Variants in COG8 observed in about 807,000 individuals in gnomAD.
The protein encoded by COG8 is component of oligomeric golgi complex 8.
In COG8, 45 loss-of-function variants were observed where a neutral mutation model predicts 46.5. The ratio of observed to expected loss-of-function variants is 0.97; its 90% CI spans 0.76 to 1.24. The LOEUF is 1.24. COG8 is among the 50% of genes most tolerant of loss of function. The probability of loss-of-function intolerance (pLI) is 0.00; values close to 1 mark genes in which losing one functional copy is unlikely to be tolerated. For missense variants in COG8, 793 were observed against 820.8 expected (o/e 0.97, Z 0.41); for synonymous variants, 407 against 347.8 (o/e 1.17, Z -1.90).
intron 5 of COG8, chr16:69,330,295 C>G: frequency 7.0e-7 from 1 of 1,428,318 alleles, no homozygotes; most frequent in Non-Finnish European, 9.1e-7. Flanking sequence ...TCAGCCGCTG[C>G]AGCTCGGGCC....
intron 5 of COG8, chr16:69,330,244 C>T (rs1032199335): frequency 6.9e-7 from 1 of 1,439,194 alleles, no homozygotes; most frequent in Non-Finnish European, 9.0e-7. Flanking sequence ...CGCTTAGGCC[C>T]ACGCAGCGCC....
intron 4 of COG8, among the ~76,000 whole-genome samples, chr16:69,331,554 G>A (rs980516749): frequency 6.6e-6 from 1 of 151,102 alleles, no homozygotes; most frequent in Non-Finnish European, 1.5e-5. Flanking sequence ...CCAGGCTGGA[G>A]TGCAGTGGCG....
rs771846065 is a variant in COG8 at position 69,336,687 on chromosome 16, TCTC to T, written c.400_402del (p.Glu134del). 1.1e-5 allele frequency: 18 copies of T among 1,613,952 alleles called. No individual in the cohort carries two copies. Among genetic ancestry groups the T allele is most frequent in the African/African-American group, 8.0e-5 (6 of 74,914 alleles). ...CTATTCATCCGGCGGTTGGAGCTGATCTCCTCGGCTTCCTTCACAAAGTTCCTA... is the reference window on the plus strand; with the variant it reads ...CTATTCATCCGGCGGTTGGAGCTGATCTCGGCTTCCTTCACAAAGTTCCTA... On this transcript the variant is annotated inframe_deletion, in exon 2 of 6. Transcript: ENST00000306875.
At position 69,339,441 on chromosome 16, in the gene COG8, C is replaced by A. The variant is rs2012413456; in HGVS notation, c.112G>T (p.Ala38Ser). The A allele has an allele frequency of 6.3e-7, 1 of 1,591,458 alleles. No individual in the cohort carries two copies. Among genetic ancestry groups the A allele is most frequent in the Non-Finnish European group, 8.5e-7 (1 of 1,174,448 alleles). ...ACATCGGGCCGCTCGCGCCACTGGG[C>A]CTCGGGGAAGCGGTCCCGGAACAGC... ...ASLFRDRFPE[A>S]QWRERPDVGR... The change falls in exon 1 of 6, where the codon GCC (alanine) becomes TCC (serine). Residue 38 changes from alanine (A) to serine (S), a missense_variant. Coordinates refer to ENST00000306875, the MANE Select transcript of COG8 (RefSeq NM_032382.5).
intron 1 of COG8, among the ~76,000 whole-genome samples, chr16:69,338,018 C>A (rs2012302460): frequency 6.6e-6 from 1 of 151,746 alleles, no homozygotes; most frequent in African/African-American, 2.4e-5. Context: ...AGGTGTGAGC[C>A]ACCGCACCCA....
In COG8 at chr16:69,328,872, T is replaced by C; in HGVS notation, c.*334A>G. On this transcript the variant is annotated 3_prime_UTR_variant, in exon 6 of 6. Transcript: ENST00000306875. ...GATTTCAGGGCAAACATTTCTGACA[T>C]CTTCCTCCAGCTCAGTCTGCCATGC... is the stretch of plus-strand genomic sequence containing the variant. 1 of 1,028,560 alleles carries C rather than the reference T, an allele frequency of 9.7e-7. No homozygotes were observed. Among genetic ancestry groups the C allele is most frequent in the Non-Finnish European group, 1.4e-6 (1 of 720,356 alleles). 63.7% of individuals were successfully genotyped at this position (1,028,560 alleles called of 1,614,324 possible). A position where few individuals can be genotyped will look rare whatever the true frequency, so the allele number is the denominator to read the frequency against.
At chr16:69,330,461 T>A in intron 5 of COG8, 1 of 1,471,482 alleles carries the variant, frequency 6.8e-7, no homozygotes, top group Non-Finnish European at 8.9e-7. Context: ...CTCGACGCCG[T>A]CCGGGGCGGC....
rs761040407 is a variant in COG8, at chr16:69,329,142, C to T, written c.*64G>A. 2.1e-5 allele frequency: 33 copies of T among 1,608,388 alleles called. No individual in the cohort carries two copies. The highest frequency in any genetic ancestry group is 2.6e-5 in the Non-Finnish European group (31 of 1,178,846). ...GGATGATGCGGGCTGCCCACCCGCT[C>T]GCCTGCCACACCACCTGTTCTCCAT... On this transcript the variant is annotated 3_prime_UTR_variant, in exon 6 of 6. Transcript: ENST00000306875.
chr16:69,331,525 G>A (rs1241304194), intron 4 of COG8, among the ~76,000 whole-genome samples: 1 of 115,730 alleles, frequency 8.6e-6, no homozygotes, highest in South Asian at 3.0e-4. Context: ...TTTTTTTTGA[G>A]ACAGTCTCGC....
In COG8 at chr16:69,332,863, G is replaced by C; in HGVS notation, c.1433C>G (p.Ala478Gly). ...ALAKVTKIIL[A>G]FHRAEEAAFS... ...GGCAGCCTCTTCAGCGCGATGGAAG[G>C]CCAGGATTATTTTAGTTACCTAAGA... The change falls in exon 4 of 6, where the codon GCC becomes GGC. Residue 478 changes from alanine to glycine, a missense_variant. Transcript: ENST00000306875. The C allele has an allele frequency of 6.2e-7, 1 of 1,614,182 alleles. No homozygotes were observed. The highest frequency in any genetic ancestry group is 8.5e-7 in the Non-Finnish European group (1 of 1,180,028).
At chr16:69,338,854 G>A (rs900887304) in intron 1 of COG8, among the ~76,000 whole-genome samples, 1 of 152,164 alleles carries the variant, frequency 6.6e-6, no homozygotes, top group African/African-American at 2.4e-5. Flanking sequence ...GCTGGGCGTG[G>A]TGGCGCGCGC....
intron 3 of COG8, among the ~76,000 whole-genome samples, chr16:69,334,301 G>C (rs971450163): frequency 3.9e-5 from 6 of 152,224 alleles, no homozygotes; most frequent in Admixed American, 3.3e-4. Context: ...GCTAATACGT[G>C]TATTACCGAA....
chr16:69,329,954 A>G lies in COG8; in HGVS notation c.*27-775T>C, dbSNP rs1355202027. On this transcript the variant is annotated intron_variant, in intron 5 of 5. Coordinates refer to ENST00000306875, the MANE Select transcript of COG8 (RefSeq NM_032382.5). ...GCTCTCGCGGAGTCGGGCAGAAGAGACGCGCGCGCTGCTCCAGCAGCCCCG... is the reference window on the plus strand; with the variant it reads ...GCTCTCGCGGAGTCGGGCAGAAGAGGCGCGCGCGCTGCTCCAGCAGCCCCG... The G allele has an allele frequency of 3.2e-5, 47 of 1,489,902 alleles. No individual in the cohort carries two copies. The Admixed American group carries it at 3.7e-4, about 12-fold the overall frequency. 92.3% of individuals were successfully genotyped at this position (1,489,902 alleles called of 1,614,324 possible).
At chr16:69,329,301 T>G (rs1486688989) in intron 5 of COG8, 122 bp from the exon 6 acceptor site, 2 of 1,029,100 alleles carry the variant, frequency 1.9e-6, no homozygotes, top group Non-Finnish European at 2.7e-6. Flanking sequence ...AGATGGCAAA[T>G]GTAGACAGCA....
In COG8 at chr16:69,339,164, G is replaced by A. The variant is rs761036744; in HGVS notation, c.377+12C>T. The A allele has an allele frequency of 1.9e-6, 3 of 1,612,836 alleles. No homozygotes were observed. Among genetic ancestry groups the A allele is most frequent in the Admixed American group, 1.7e-5 (1 of 60,010 alleles). On this transcript the variant is annotated intron_variant, in intron 1 of 5. Transcript: ENST00000306875. The stretch of plus-strand genomic sequence containing the variant: ...CAGTTATAAAACCCCTTTAGCGCCA[G>A]GCGCGTCGCACCTGCAGCTCTGCTG...
At position 69,339,461 on chromosome 16, in the gene COG8, A is replaced by G. The variant is rs1474601391; in HGVS notation, c.92T>C (p.Phe31Ser). Residue 31 changes from phenylalanine to serine, a missense_variant, in exon 1 of 6, where the codon TTC becomes TCC. By Grantham distance (155) the Phe-to-Ser change is radical. Transcript: ENST00000306875. Reference protein sequence around the residue: ...VEDEGLLASLFRDRFPEAQWR... With the variant: ...VEDEGLLASLSRDRFPEAQWR... ...CTGGGCCTCGGGGAAGCGGTCCCGG[A>G]ACAGCGACGCCAGGAGCCCTTCATC... 6.3e-7 allele frequency: 1 copy of G among 1,598,936 alleles called. No individual in the cohort carries two copies. Among genetic ancestry groups the G allele is most frequent in the Non-Finnish European group, 8.5e-7 (1 of 1,177,896 alleles).
At position 69,339,161 on chromosome 16, in the gene COG8, C is replaced by A; in HGVS notation, c.377+15G>T. The A allele has an allele frequency of 1.2e-6, 2 of 1,612,936 alleles. No homozygotes were observed. Among genetic ancestry groups the A allele is most frequent in the Non-Finnish European group, 1.7e-6 (2 of 1,179,884 alleles). On this transcript the variant is annotated intron_variant, in intron 1 of 5. Coordinates refer to ENST00000306875, the MANE Select transcript of COG8 (RefSeq NM_032382.5). ...TTACAGTTATAAAACCCCTTTAGCG[C>A]CAGGCGCGTCGCACCTGCAGCTCTG...
Position 69,332,793 on chromosome 16 carries a change from G to A in COG8, c.1503C>T (p.Val501=), listed in dbSNP as rs771239579. 3.1e-6 allele frequency: 5 copies of A among 1,614,054 alleles called. No homozygotes were observed. In the South Asian group the frequency reaches 4.4e-5, roughly 14 times the overall value. ...EQELFVQFCT[V]FLEDLVPYLN... ...AATACGGAACAAGGTCTTCCAGGAA[G>A]ACAGTGCAGAACTGGACAAAGAGCT... The change falls in exon 4 of 6, where the codon GTC becomes GTT. Residue 501 remains valine (V), a synonymous_variant. Coordinates refer to ENST00000306875, the MANE Select transcript of COG8 (RefSeq NM_032382.5).
Position 69,329,126 on chromosome 16 carries a change from G to T in COG8, c.*80C>A, listed in dbSNP as rs1248239829. On this transcript the variant is annotated 3_prime_UTR_variant, in exon 6 of 6. Coordinates refer to ENST00000306875, the MANE Select transcript of COG8 (RefSeq NM_032382.5). ...TGGTCCATCTCGTGCTGGATGATGC[G>T]GGCTGCCCACCCGCTCGCCTGCCAC... The T allele has an allele frequency of 6.2e-6, 10 of 1,609,248 alleles. No individual in the cohort carries two copies. Among genetic ancestry groups the T allele is most frequent in the Non-Finnish European group, 6.8e-6 (8 of 1,178,998 alleles).
Sources: gnomAD v4.1 joint callset for allele counts (sites outside exome capture counted in the v4.1 genomes callset) on GRCh38, gnomAD v4.1.1 for gene constraint, MANE v1.5 for transcripts, NCBI Gene and HGNC (gene_info 2026-07-23, HGNC 2026-07-21) for gene names.